CHRNA1: variants seen among roughly 807,000 people sequenced by gnomAD.
CHRNA1 encodes acetylcholine receptor subunit alpha.
Under a neutral mutation model 47.1 loss-of-function variants are expected in CHRNA1, and 35 were observed. That is an observed-to-expected ratio of 0.74 (90% CI 0.57 to 0.99). The LOEUF is 0.99. Among genes scored for constraint, CHRNA1 ranks in the 50% least tolerant of loss-of-function variants. The probability of loss-of-function intolerance (pLI) is 0.00; values close to 1 mark genes in which losing one functional copy is unlikely to be tolerated. For synonymous variants in CHRNA1, 229 were observed against 223.6 expected (o/e 1.02, Z -0.22); for missense variants, 506 against 591.1 (o/e 0.86, Z 1.49).
chr2:174,750,252 A>G, intron 6 of CHRNA1, 83 bp from the exon 7 acceptor site: 1 of 1,053,902 alleles, frequency 9.5e-7, no homozygotes. Flanking sequence ...CCCACCATTT[A>G]TATGTGGAAG....
chr2:174,753,728 G>C lies in CHRNA1; in HGVS notation c.553C>G (p.Pro185Ala). 6.2e-7 allele frequency: 1 copy of C among 1,614,038 alleles called. No homozygotes were observed. Among genetic ancestry groups the C allele is most frequent in the Non-Finnish European group, 8.5e-7 (1 of 1,179,954 alleles). The change falls in exon 6 of 9, where the codon CCA becomes GCA. Residue 185 changes from proline (P) to alanine (A), a missense_variant. Transcript: ENST00000348749. ...VVAINPESDQ[P>A]DLSNFMESGE... is the part of the protein sequence containing the mutation. ...CTCTCCATGAAGTTGCTCAGGTCTG[G>C]CTGGTCGCTTTCCTGAGAAAGGAAG...
At position 174,750,147 on chromosome 2, in the gene CHRNA1, G is replaced by T. The variant is rs1397059147; in HGVS notation, c.801C>A (p.Ile267=). ...TDSGEKMTLS[I]SVLLSLTVFL... ...ACACAGTCAAAGACAGTAAGACAGA[G>T]ATGCTCAGAGTCATCTTCTCCCCTG... Residue 267 remains isoleucine, a synonymous_variant, in exon 7 of 9, where the codon ATC becomes ATA. Coordinates refer to ENST00000348749, the MANE Select transcript of CHRNA1 (RefSeq NM_000079.4). The T allele has an allele frequency of 1.9e-6, 3 of 1,609,684 alleles. No homozygotes were observed. The highest frequency in any genetic ancestry group is 2.2e-5 in the South Asian group (2 of 90,856).
chr2:174,757,772 A>G (rs371510761), intron 3 of CHRNA1, 97 bp from the exon 4 acceptor site: 3 of 1,167,902 alleles, frequency 2.6e-6, no homozygotes, highest in South Asian at 2.5e-5. Context: ...TTCAGTATTG[A>G]CAGAAATTGT....
At position 174,753,561 on chromosome 2, in the gene CHRNA1, G is replaced by A; in HGVS notation, c.720C>T (p.Ile240=). 2 of 1,614,206 alleles carry A rather than the reference G, an allele frequency of 1.2e-6. No homozygotes were observed. Among genetic ancestry groups the A allele is most frequent in the African/African-American group, 2.7e-5 (2 of 75,056 alleles). Residue 240 remains isoleucine (I), a synonymous_variant, in exon 6 of 9, where the codon ATC becomes ATT. Transcript: ENST00000348749. ...TTAAGAAGGAGAAGAGCAGGCAGGG[G>A]ATGATGACGTTGACGATGAAGTAGA... ...LPLYFIVNVI[I]PCLLFSFLTG...
intron 6 of CHRNA1, 107 bp from the exon 7 acceptor site, chr2:174,750,276 G>C: frequency 1.2e-6 from 1 of 835,816 alleles, no homozygotes; most frequent in South Asian, 1.5e-5. Context: ...TGAGTCCTGG[G>C]ACCTAAGAAT....
At chr2:174,750,595 T>C (rs1194602820) in intron 6 of CHRNA1, among the ~76,000 whole-genome samples, 9 of 152,130 alleles carry the variant, frequency 5.9e-5, no homozygotes. Context: ...AGCAAACTAA[T>C]TCACCACTGA....
At chr2:174,759,720 TAAGCC>T in intron 1 of CHRNA1, 87 bp from the exon 2 acceptor site, 1 of 1,554,454 alleles carries the variant, frequency 6.4e-7, no homozygotes, top group Non-Finnish European at 8.7e-7. Flanking sequence ...AACTGAGGCA[TAAGCC>T]TCAGTTCCTT....
intron 1 of CHRNA1, among the ~76,000 whole-genome samples, chr2:174,763,309 C>T (rs1169110539): frequency 2.3e-5 from 3 of 129,712 alleles, no homozygotes; most frequent in East Asian, 2.4e-4. Flanking sequence ...TTTGCGTGCA[C>T]GCATGTGTGT....
intron 6 of CHRNA1, among the ~76,000 whole-genome samples, chr2:174,751,903 C>G (rs575814023): frequency 2.4e-4 from 36 of 152,122 alleles, no homozygotes; most frequent in Admixed American, 7.2e-4. Context: ...TGGTCTCAAA[C>G]TCCTGACCTC....
At chr2:174,752,849 C>A (rs1342232413) in intron 6 of CHRNA1, 1 of 153,810 alleles carries the variant, frequency 6.5e-6, no homozygotes, top group Non-Finnish European at 1.4e-5. Flanking sequence ...AACTTGTCTG[C>A]CATAAGTTGT....
At chr2:174,759,285 C>G in intron 3 of CHRNA1, 46 bp downstream of exon 3, 1 of 1,595,482 alleles carries the variant, frequency 6.3e-7, no homozygotes, top group Non-Finnish European at 8.6e-7. Context: ...GGTTTAATTT[C>G]AGTGTGAATG....
chr2:174,750,832 G>T (rs1227273375), intron 6 of CHRNA1, among the ~76,000 whole-genome samples: 1 of 152,160 alleles, frequency 6.6e-6, no homozygotes, highest in Admixed American at 6.5e-5. Context: ...GGAACTGAAA[G>T]GAGTTCTGGG....
At chr2:174,749,859 A>G (rs559214134) in intron 7 of CHRNA1, 87 bp downstream of exon 7, 89 of 1,172,136 alleles carry the variant, frequency 7.6e-5, no homozygotes, top group Non-Finnish European at 9.3e-5. Flanking sequence ...AATAGCCCCA[A>G]GTATTAGCTA....
chr2:174,763,715 A>C (rs1368182523), intron 1 of CHRNA1, among the ~76,000 whole-genome samples: 1 of 152,150 alleles, frequency 6.6e-6, no homozygotes, highest in Admixed American at 6.5e-5. Flanking sequence ...TTATAGTTTC[A>C]ATTCAAACCC....
intron 4 of CHRNA1, among the ~76,000 whole-genome samples, chr2:174,755,708 C>T (rs192082560): frequency 3.7e-4 from 57 of 152,208 alleles, no homozygotes; most frequent in Non-Finnish European, 2.2e-4. Context: ...GTGAGCATTG[C>T]GCCCAGTGAA....
Position 174,748,749 on chromosome 2 carries a change from T to A in CHRNA1, c.1073A>T (p.Asp358Val), listed in dbSNP as rs6739001. The A allele has an allele frequency of 3.4e-3, 5,480 of 1,614,218 alleles. 158 individuals are homozygous for A. In the African/African-American group the frequency reaches 0.065, roughly 19 times the overall value. Reference sequence around the variant, plus strand: ...AATGTCTTCTGTAAAAATCTTTTTGTCTTGCTTTTCTCTGGATGGTCTTTT... The same window carrying A: ...AATGTCTTCTGTAAAAATCTTTTTGACTTGCTTTTCTCTGGATGGTCTTTT... ...TMKRPSREKQ[D>V]KKIFTEDIDI... The change falls in exon 8 of 9, where the codon GAC becomes GTC. Residue 358 changes from aspartate (D) to valine (V), a missense_variant. Physicochemically the swap from Asp to Val is radical, Grantham distance 152. Transcript: ENST00000348749.
Position 174,748,293 on chromosome 2 carries a change from G to A in CHRNA1, c.1243-38C>T, listed in dbSNP as rs17838546. The A allele has an allele frequency of 0.015, 24,173 of 1,612,898 alleles. 241 individuals are homozygous for A. The highest frequency in any genetic ancestry group is 0.017 in the Non-Finnish European group (20,468 of 1,179,966). ...AAAATGTTAGACAGAGTCTCCCTAA[G>A]GTGGTTTCTGGACTCACAACGTTTG... On this transcript the variant is annotated intron_variant, in intron 8 of 8. Coordinates refer to ENST00000348749, the MANE Select transcript of CHRNA1 (RefSeq NM_000079.4).
intron 5 of CHRNA1, 67 bp from the exon 6 acceptor site, chr2:174,753,807 T>A: frequency 6.8e-7 from 1 of 1,463,082 alleles, no homozygotes; most frequent in Admixed American, 1.8e-5. Context: ...CGTTTTGTAA[T>A]CAGCAGTGAC....
In CHRNA1 at chr2:174,753,889, T is replaced by C. The variant is rs182072108; in HGVS notation, c.541-149A>G. On this transcript the variant is annotated intron_variant, in intron 5 of 8. Transcript: ENST00000348749. ...GTGGGACACTACTGCTTTGGGGTCT[T>C]AGATGCCTTTCCTATGACATAAGGG... is the stretch of plus-strand genomic sequence containing the variant. 6.2e-6 allele frequency: 5 copies of C among 805,750 alleles called. No individual in the cohort carries two copies. In the East Asian group the frequency reaches 1.3e-4, roughly 21 times the overall value. 49.9% of individuals were successfully genotyped at this position (805,750 alleles called of 1,614,324 possible). A position where few individuals can be genotyped will look rare whatever the true frequency, so the allele number is the denominator to read the frequency against.
Sources: gnomAD v4.1 joint callset for allele counts (sites outside exome capture counted in the v4.1 genomes callset) on GRCh38, gnomAD v4.1.1 for gene constraint, MANE v1.5 for transcripts, NCBI Gene and HGNC (gene_info 2026-07-23, HGNC 2026-07-21) for gene names.